Variants in SBNO2 observed in about 807,000 individuals in gnomAD.
SBNO2 encodes strawberry notch homolog 2.
In SBNO2, 89 loss-of-function variants were observed where a neutral mutation model predicts 146.3. The observed-to-expected ratio is 0.61, with a 90% CI of 0.51 to 0.73. The LOEUF is 0.73. SBNO2 is among the 30% of genes least tolerant of loss of function. The pLI is 0.00. For synonymous variants in SBNO2, 1,147 were observed against 892.6 expected, an observed-to-expected ratio of 1.29 and a Z score of -5.08; for missense variants, 2,092 against 2,003.7, an observed-to-expected ratio of 1.04 and a Z score of -0.84.
In SBNO2 at chr19:1,155,914, G is replaced by C. The variant is rs115146983; in HGVS notation, c.-126-1512C>G. 5.7e-3 allele frequency among the ~76,000 whole-genome samples: 875 copies of C among 152,316 alleles called. 14 individuals carry two copies. The highest frequency in any genetic ancestry group is 0.02 in the African/African-American group (833 of 41,574). ...CTGTCAGCACCCCTTCCTGCTGCAGGTTCCATCTCACGGCAGCCACAGCCC... is the reference window on the plus strand; with the variant it reads ...CTGTCAGCACCCCTTCCTGCTGCAGCTTCCATCTCACGGCAGCCACAGCCC... On this transcript the variant is annotated intron_variant, in intron 1 of 31. Coordinates refer to ENST00000361757, the MANE Select transcript of SBNO2 (RefSeq NM_014963.3).
chr19:1,147,086 C>T (rs575869352), intron 4 of SBNO2, among the ~76,000 whole-genome samples: 19 of 152,210 alleles, frequency 1.2e-4, no homozygotes, highest in African/African-American at 2.9e-4. Context: ...AAGGGCTGGG[C>T]GGGGCTCACT....
chr19:1,118,989 C>T (rs767712945), intron 14 of SBNO2, 22 bp downstream of exon 14: 12 of 1,565,632 alleles, frequency 7.7e-6, no homozygotes, highest in African/African-American at 6.7e-5. Context: ...CAGGGGTCCC[C>T]GGGTCGGGTG....
chr19:1,132,083 G>A (rs2080035679), intron 4 of SBNO2: 1 of 1,534,788 alleles, frequency 6.5e-7, no homozygotes, highest in Non-Finnish European at 8.7e-7. Context: ...CGGGAAGGGA[G>A]TGTTACCTTG....
chr19:1,108,279 C>A lies in SBNO2; in HGVS notation c.4042G>T (p.Glu1348Ter). The A allele has an allele frequency of 6.6e-7, 1 of 1,510,704 alleles. No homozygotes were observed. Among genetic ancestry groups the A allele is most frequent in the Non-Finnish European group, 8.9e-7 (1 of 1,127,760 alleles). 93.6% of individuals were successfully genotyped at this position (1,510,704 alleles called of 1,614,324 possible). Residue 1348 changes from glutamate to a stop codon, truncating the protein, a stop_gained, in exon 32 of 32, where the codon GAG becomes TAG. Transcript: ENST00000361757. LOFTEE classifies it high-confidence loss of function. Reference protein sequence around the residue: ...GAGGAAGGGPERQSVIQFSPP... With the variant: ...GAGGAAGGGP ...CTGAACTGGATCACGCTCTGCCGCT[C>A]GGGACCACCGCCCGCCGCGCCCCCC... is the stretch of plus-strand genomic sequence containing the variant.
chr19:1,167,384 G>T (rs1427629130), intron 1 of SBNO2, among the ~76,000 whole-genome samples: 2 of 152,252 alleles, frequency 1.3e-5, no homozygotes, highest in African/African-American at 4.8e-5. Flanking sequence ...CCAAGGCCAA[G>T]GTCAAGGCAC....
chr19:1,160,004 C>T (rs962515875), intron 1 of SBNO2, among the ~76,000 whole-genome samples: 4 of 152,102 alleles, frequency 2.6e-5, no homozygotes, highest in African/African-American at 4.8e-5. Flanking sequence ...CTGCTCTCTG[C>T]AGCCATCAGC....
intron 15 of SBNO2, 105 bp from the exon 16 acceptor site, chr19:1,117,031 C>T: frequency 9.1e-7 from 1 of 1,094,014 alleles, no homozygotes; most frequent in Non-Finnish European, 1.3e-6. Context: ...CACTCTGCTG[C>T]TGTGCTCGCC....
chr19:1,120,024 C>G lies in SBNO2; in HGVS notation c.1150-1G>C. 6.4e-7 allele frequency: 1 copy of G among 1,550,432 alleles called. No homozygotes were observed. Among genetic ancestry groups the G allele is most frequent in the Non-Finnish European group, 8.7e-7 (1 of 1,146,640 alleles). On this transcript the variant is annotated splice_acceptor_variant, in intron 11 of 31. Transcript: ENST00000361757. LOFTEE classifies it high-confidence loss of function. ...CTTTGTGACACTCGTCGAACACGAT[C>G]TGAGGCACACGTGGGTTAAGGAGTA...
chr19:1,169,031 T>C (rs1229575112), intron 1 of SBNO2: 1 of 152,290 alleles, frequency 6.6e-6, no homozygotes, highest in Non-Finnish European at 1.5e-5. Context: ...TCGGTTTCAC[T>C]TGGACGCTTG....
intron 14 of SBNO2, among the ~76,000 whole-genome samples, chr19:1,118,561 T>C (rs1418581876): frequency 6.6e-6 from 1 of 151,946 alleles, no homozygotes; most frequent in Non-Finnish European, 1.5e-5. Flanking sequence ...TCCCTCGTTA[T>C]CACAGCCACA....
chr19:1,147,456 G>GA lies in SBNO2; in HGVS notation c.168-37_168-36insT, dbSNP rs746123520. The GA allele has an allele frequency of 5.4e-6, 6 of 1,121,286 alleles. No homozygotes were observed. The African/African-American group carries it at 8.2e-5, about 15-fold the overall frequency. The allele number at this position is 1,121,286 out of a possible 1,614,324, so 69.5% of individuals were successfully genotyped here. A position where few individuals can be genotyped will look rare whatever the true frequency, so the allele number is the denominator to read the frequency against. On this transcript the variant is annotated intron_variant, in intron 3 of 31. Coordinates refer to ENST00000361757, the MANE Select transcript of SBNO2 (RefSeq NM_014963.3). ...ATGGGGGGGGGGGAGGTGAGATGGG[G>GA]TGCTCAACCCACTCCCTCAGTAACA...
intron 4 of SBNO2, among the ~76,000 whole-genome samples, chr19:1,142,009 C>A (rs189892684): frequency 2.9e-4 from 43 of 149,780 alleles, no homozygotes; most frequent in Non-Finnish European, 5.5e-4. Flanking sequence ...GTGAAGACCA[C>A]CAGGTGAGCC....
intron 2 of SBNO2, 46 bp from the exon 3 acceptor site, chr19:1,149,488 C>A (rs763697739): frequency 6.6e-7 from 1 of 1,512,322 alleles, no homozygotes; most frequent in South Asian, 1.2e-5. Context: ...AGAGGACCTG[C>A]GGTGCAGCCC....
At chr19:1,161,028 C>CCAGCCAGGCA (rs971474619) in intron 1 of SBNO2, among the ~76,000 whole-genome samples, 1 of 142,090 alleles carries the variant, frequency 7.0e-6, no homozygotes, top group African/African-American at 2.7e-5. Flanking sequence ...GGCTGCTCCT[C>CCAGCCAGGCA]CAGCCAGGCA....
chr19:1,142,714 T>C (rs1329552704), intron 4 of SBNO2, among the ~76,000 whole-genome samples: 1 of 150,610 alleles, frequency 6.6e-6, no homozygotes, highest in African/African-American at 2.5e-5. Flanking sequence ...GGCTCATGCC[T>C]GTAATCCCAG....
chr19:1,115,704 C>T (rs1056119159), intron 17 of SBNO2: 4 of 476,900 alleles, frequency 8.4e-6, no homozygotes, highest in Non-Finnish European at 1.5e-5. Flanking sequence ...CCCAAGGGAC[C>T]GTGGAGACCC....
At position 1,136,388 on chromosome 19, in the gene SBNO2, T is replaced by C. The variant is rs1037305081; in HGVS notation, c.280-8623A>G. ...ATGGGCCCTGGGGCCGCCGCCTCAG[T>C]GTCTTCTGGTGCTGCAGCCGGGCAG... On this transcript the variant is annotated intron_variant, in intron 4 of 31. Transcript: ENST00000361757. The surrounding 1 kb of genome is among the most constrained non-coding windows in gnomAD (Gnocchi z 4.2). 6.6e-6 allele frequency among the ~76,000 whole-genome samples: 1 copy of C among 152,198 alleles called. No individual in the cohort carries two copies. Among genetic ancestry groups the C allele is most frequent in the Non-Finnish European group, 1.5e-5 (1 of 68,018 alleles).
In SBNO2 at chr19:1,170,103, G is replaced by A. The variant is rs182870996; in HGVS notation, c.-127+4069C>T. On this transcript the variant is annotated intron_variant, in intron 1 of 31. Coordinates refer to ENST00000361757, the MANE Select transcript of SBNO2 (RefSeq NM_014963.3). ...GCGTCTGGCGTCTCTCCGCAAGCAC[G>A]TCTCCGCAGAGCATCCATGCCGGGC... 4.6e-4 allele frequency among the ~76,000 whole-genome samples: 70 copies of A among 152,340 alleles called. No homozygotes were observed. The East Asian group carries it at 0.012, about 26-fold the overall frequency.
chr19:1,124,094 C>G lies in SBNO2; in HGVS notation c.442-72G>C, dbSNP rs748584142. On this transcript the variant is annotated intron_variant, in intron 5 of 31. Transcript: ENST00000361757. Reference sequence around the variant, plus strand: ...CAGCTGGTGGGCCCTCGCAGCCTGGCCACCAGAGGGAGGCTCCCCACTGCC... The same window carrying G: ...CAGCTGGTGGGCCCTCGCAGCCTGGGCACCAGAGGGAGGCTCCCCACTGCC... 2.4e-5 allele frequency: 35 copies of G among 1,432,262 alleles called. No homozygotes were observed. In the African/African-American group the frequency reaches 4.4e-4, roughly 18 times the overall value. The allele number at this position is 1,432,262 out of a possible 1,614,324, so 88.7% of individuals were successfully genotyped here.
Sources: allele counts gnomAD v4.1 joint callset (sites outside exome capture counted in the v4.1 genomes callset), GRCh38; gene constraint gnomAD v4.1.1; non-coding constraint Gnocchi (gnomAD v3.1); transcripts MANE v1.5; gene names NCBI Gene and HGNC (gene_info 2026-07-23, HGNC 2026-07-21).